ST7: variants seen among roughly 807,000 people sequenced by gnomAD.
ST7 encodes the protein suppression of tumorigenicity 7, also known as suppressor of tumorigenicity 7 protein.
A neutral mutation model predicts 78.7 loss-of-function variants in ST7; 28 were observed. That is an observed-to-expected ratio of 0.36 (90% CI 0.26 to 0.49). ST7 has a LOEUF of 0.49. Ranked by LOEUF, ST7 falls within the 20% of genes least tolerant of loss-of-function variation. The pLI, the probability that ST7 is intolerant of heterozygous loss-of-function variation, is 0.99. For synonymous variants in ST7, 247 were observed against 249.6 expected (o/e 0.99, Z 0.10); for missense variants, 418 against 696.0 (o/e 0.60, Z 4.49).
intron 9 of ST7, among the ~76,000 whole-genome samples, chr7:117,143,523 C>T (rs937548365): frequency 5.3e-5 from 8 of 152,172 alleles, no homozygotes; most frequent in Non-Finnish European, 1.0e-4. Flanking sequence ...TAAATATCAT[C>T]TCAATGACAA....
intron 1 of ST7, among the ~76,000 whole-genome samples, chr7:117,041,926 TA>T (rs1345815873): frequency 5.9e-5 from 9 of 152,200 alleles, no homozygotes; most frequent in African/African-American, 2.2e-4. Flanking sequence ...CAAGGGTCCT[TA>T]AATGTCGAAG....
intron 1 of ST7, among the ~76,000 whole-genome samples, chr7:117,043,490 A>G (rs1368533179): frequency 6.6e-6 from 1 of 152,240 alleles, no homozygotes; most frequent in Non-Finnish European, 1.5e-5. Flanking sequence ...AGAAATATTT[A>G]CTTGATTAAA....
chr7:116,990,353 G>T (rs1439002005), intron 1 of ST7, among the ~76,000 whole-genome samples: 1 of 151,908 alleles, frequency 6.6e-6, no homozygotes, highest in Non-Finnish European at 1.5e-5. Context: ...TCTATTCTGG[G>T]TAAACTCATT....
intron 1 of ST7, among the ~76,000 whole-genome samples, chr7:117,094,484 A>G (rs1800874395): frequency 6.6e-6 from 1 of 152,138 alleles, no homozygotes; most frequent in Non-Finnish European, 1.5e-5. Context: ...CCATTTGCTT[A>G]TCCGATGACT....
chr7:116,981,412 A>G (rs1793952843), intron 1 of ST7, among the ~76,000 whole-genome samples: 1 of 152,132 alleles, frequency 6.6e-6, no homozygotes, highest in Non-Finnish European at 1.5e-5. Context: ...ACCTGGCCTC[A>G]ATGGTTCCTC....
chr7:117,031,834 CTATATCTATATCTATATCTA>C (rs1351401365), intron 1 of ST7, among the ~76,000 whole-genome samples: 3 of 94,202 alleles, frequency 3.2e-5, no homozygotes, highest in Admixed American at 1.6e-4. Context: ...ATATCTATAT[CTATATCTATATCTATATCTA>C]TATCTATCTA....
intron 1 of ST7, among the ~76,000 whole-genome samples, chr7:117,071,125 A>C (rs1394880174): frequency 6.6e-6 from 1 of 152,084 alleles, no homozygotes; most frequent in East Asian, 2.0e-4. Context: ...AGGCTGAGAC[A>C]GGAGAATGGC....
At chr7:117,093,317 G>GT (rs1800772993) in intron 1 of ST7, among the ~76,000 whole-genome samples, 1 of 152,196 alleles carries the variant, frequency 6.6e-6, no homozygotes. Context: ...AAGATGCTCA[G>GT]TTAATGCTAA....
chr7:117,118,903 T>C (rs1275510502), intron 2 of ST7, among the ~76,000 whole-genome samples: 1 of 152,188 alleles, frequency 6.6e-6, no homozygotes, highest in Non-Finnish European at 1.5e-5. Context: ...TACATAACAA[T>C]TAGTAGGCTT....
chr7:117,045,729 C>T (rs1797460399), intron 1 of ST7, among the ~76,000 whole-genome samples: 1 of 152,210 alleles, frequency 6.6e-6, no homozygotes, highest in African/African-American at 2.4e-5. Flanking sequence ...CATTGTATGC[C>T]TGGCATTAGG....
chr7:117,097,250 C>T (rs533112430), intron 1 of ST7, among the ~76,000 whole-genome samples: 10 of 151,532 alleles, frequency 6.6e-5, no homozygotes, highest in Admixed American at 6.6e-4. Context: ...AGTTTGTTTG[C>T]AGAAACCTAC....
At position 117,229,778 on chromosome 7, in the gene ST7, T is replaced by G. The variant is rs758678576; in HGVS notation, c.1655T>G (p.Phe552Cys). 5.6e-6 allele frequency: 9 copies of G among 1,612,630 alleles called. No homozygotes were observed. In the Admixed American group the frequency reaches 1.5e-4, roughly 27 times the overall value. Residue 552 changes from phenylalanine (F) to cysteine (C), a missense_variant, in exon 16 of 16, where the codon TTT (phenylalanine) becomes TGT (cysteine). Phe to Cys is a radical substitution (Grantham distance 205). Coordinates refer to ENST00000323984, the MANE Select transcript of ST7 (RefSeq NM_001369598.1). ...VFAKAFLSTLFAPLNFVMEKV... is the reference protein window; with the variant it reads ...VFAKAFLSTLCAPLNFVMEKV... Reference sequence around the variant, plus strand: ...TCTTTGCAGTTCCTCAGCACTTTGTTTGCCCCCTTAAACTTTGTCATGGAG... The same window carrying G: ...TCTTTGCAGTTCCTCAGCACTTTGTGTGCCCCCTTAAACTTTGTCATGGAG...
At chr7:116,996,561 C>T (rs2116415001) in intron 1 of ST7, among the ~76,000 whole-genome samples, 1 of 152,318 alleles carries the variant, frequency 6.6e-6, no homozygotes, top group Admixed American at 6.5e-5. Context: ...TGGCTACAGT[C>T]TCTTCGTAAC....
rs970511831 is a variant in ST7, at chr7:117,015,004, G to A, written c.151+61313G>A. On this transcript the variant is annotated intron_variant, in intron 1 of 15. Coordinates refer to ENST00000323984, the MANE Select transcript of ST7 (RefSeq NM_001369598.1). ...AGTTTCCTGCTTACTGCTTCATTAT[G>A]GATTATACAGGTAAAATTAAATGTT... 9.8e-6 allele frequency: 13 copies of A among 1,325,330 alleles called. No individual in the cohort carries two copies. The African/African-American group carries it at 1.5e-4, about 15-fold the overall frequency. The allele number at this position is 1,325,330 out of a possible 1,614,324, so 82.1% of individuals were successfully genotyped here. A position where few individuals can be genotyped will look rare whatever the true frequency, so the allele number is the denominator to read the frequency against.
At chr7:116,976,523 AG>A (rs1793713166) in intron 1 of ST7, among the ~76,000 whole-genome samples, 1 of 152,226 alleles carries the variant, frequency 6.6e-6, no homozygotes, top group African/African-American at 2.4e-5. Flanking sequence ...GGAAAGTGGC[AG>A]AAGCAAAAGA....
chr7:116,957,755 T>C (rs1585038896), intron 1 of ST7, among the ~76,000 whole-genome samples: 1 of 152,252 alleles, frequency 6.6e-6, no homozygotes, highest in East Asian at 1.9e-4. Flanking sequence ...CCATAACTTA[T>C]ACAGTGGTGT....
chr7:116,976,076 C>G (rs1201996428), intron 1 of ST7, among the ~76,000 whole-genome samples: 1 of 152,066 alleles, frequency 6.6e-6, no homozygotes. Flanking sequence ...GCCTGGCCAA[C>G]ATGGTGAAAC....
At chr7:117,014,988 C>T (rs1795540942) in intron 1 of ST7, 1 of 1,372,450 alleles carries the variant, frequency 7.3e-7, no homozygotes, top group East Asian at 2.8e-5. Context: ...CAGTTTCCTG[C>T]TTACTGCTTC....
intron 1 of ST7, among the ~76,000 whole-genome samples, chr7:117,059,571 G>T (rs1584540591): frequency 1.3e-5 from 2 of 151,842 alleles, no homozygotes; most frequent in Non-Finnish European, 2.9e-5. Context: ...AATTTTAGAG[G>T]TATAGATCTA....
Sources: gnomAD v4.1 joint callset for allele counts (sites outside exome capture counted in the v4.1 genomes callset) on GRCh38, gnomAD v4.1.1 for gene constraint, MANE v1.5 for transcripts, NCBI Gene and HGNC (gene_info 2026-07-23, HGNC 2026-07-21) for gene names.